Variants in APPBP2 observed in about 807,000 individuals in gnomAD.
APPBP2 encodes amyloid beta precursor protein binding protein 2, also known as amyloid protein-binding protein 2.
A neutral mutation model predicts 76.0 loss-of-function variants in APPBP2; 15 were observed. That is an observed-to-expected ratio of 0.20 (90% confidence interval 0.13 to 0.30). The LOEUF (loss-of-function observed/expected upper bound fraction) is 0.30. APPBP2 is among the 10% of genes least tolerant of loss of function. The probability of loss-of-function intolerance (pLI) is 1.00; values close to 1 mark genes in which losing one functional copy is unlikely to be tolerated. For synonymous variants in APPBP2, 222 were observed against 242.2 expected, an observed-to-expected ratio of 0.92 and a Z score of 0.77; for missense variants, 401 against 687.2, an observed-to-expected ratio of 0.58 and a Z score of 4.66.
At position 60,451,980 on chromosome 17, in the gene APPBP2, A is replaced by G; in HGVS notation, c.1404T>C (p.Tyr468=). 2 of 1,613,930 alleles carry G rather than the reference A, an allele frequency of 1.2e-6. No homozygotes were observed. Among genetic ancestry groups the G allele is most frequent in the Non-Finnish European group, 1.7e-6 (2 of 1,179,906 alleles). Residue 468 remains tyrosine, a synonymous_variant, in exon 12 of 13, where the codon TAT becomes TAC. Coordinates refer to ENST00000083182, the MANE Select transcript of APPBP2 (RefSeq NM_006380.5). ...IKEQLLGQED[Y]EVALSVGHLA... ...GATGTCCCACTGAAAGGGCTACTTC[A>G]TAATCTTCTTGACCAAGAAGTTGTT...
At chr17:60,452,242 A>G (rs550370704) in intron 11 of APPBP2, among the ~76,000 whole-genome samples, 197 bp from the exon 12 acceptor site, 1 of 152,362 alleles carries the variant, frequency 6.6e-6, no homozygotes, top group Admixed American at 6.5e-5. Flanking sequence ...AGATAAACTG[A>G]TGACAGCAAT....
chr17:60,469,090 G>A (rs2090532099), intron 4 of APPBP2, among the ~76,000 whole-genome samples: 1 of 152,034 alleles, frequency 6.6e-6, no homozygotes, highest in Non-Finnish European at 1.5e-5. Flanking sequence ...CACTTTGGGA[G>A]GCCGAGGTAG....
At chr17:60,482,508 A>G (rs558665207) in intron 3 of APPBP2, among the ~76,000 whole-genome samples, 25 of 152,290 alleles carry the variant, frequency 1.6e-4, no homozygotes, top group African/African-American at 6.0e-4. Flanking sequence ...TGCAGGTTAC[A>G]TGTGCCATGT....
chr17:60,458,934 G>A (rs749982308), intron 9 of APPBP2, among the ~76,000 whole-genome samples: 15 of 151,860 alleles, frequency 9.9e-5, no homozygotes, highest in Non-Finnish European at 2.1e-4. Context: ...CACCATGCCT[G>A]GCTAATTTTT....
chr17:60,473,244 C>T (rs1371843525), intron 4 of APPBP2, among the ~76,000 whole-genome samples: 2 of 152,160 alleles, frequency 1.3e-5, no homozygotes, highest in African/African-American at 2.4e-5. Flanking sequence ...AGTTCTATCA[C>T]ACTTTTCTAT....
intron 9 of APPBP2, among the ~76,000 whole-genome samples, chr17:60,457,486 A>G (rs9897522): frequency 0.2 from 29,652 of 151,900 alleles, 9,638 homozygotes; most frequent in African/African-American, 0.67. Context: ...GAGTACAGTG[A>G]TGCAATCATG....
intron 3 of APPBP2, among the ~76,000 whole-genome samples, chr17:60,493,194 C>T (rs2090744338): frequency 6.6e-6 from 1 of 152,192 alleles, no homozygotes; most frequent in African/African-American, 2.4e-5. Flanking sequence ...GTCCATTAAA[C>T]CTCTTTTTGC....
At chr17:60,511,029 G>C (rs184392940) in intron 1 of APPBP2, among the ~76,000 whole-genome samples, 3 of 152,136 alleles carry the variant, frequency 2.0e-5, no homozygotes, top group Non-Finnish European at 4.4e-5. Flanking sequence ...TCACTTTATA[G>C]GTCAATGGCA....
At chr17:60,502,169 T>G (rs1480993104) in intron 1 of APPBP2, among the ~76,000 whole-genome samples, 54 of 152,208 alleles carry the variant, frequency 3.5e-4, no homozygotes, top group Non-Finnish European at 7.3e-5. Flanking sequence ...TCAAGTGATC[T>G]TCCTGCCTCA....
chr17:60,494,674 A>T, intron 2 of APPBP2, 57 bp from the exon 3 acceptor site: 2 of 1,421,018 alleles, frequency 1.4e-6, no homozygotes, highest in South Asian at 2.8e-5. Flanking sequence ...TCCTTTTAGA[A>T]AGTGCTAACT....
At chr17:60,487,251 G>T (rs1412447617) in intron 3 of APPBP2, among the ~76,000 whole-genome samples, 3 of 152,284 alleles carry the variant, frequency 2.0e-5, no homozygotes, top group Admixed American at 6.5e-5. Context: ...TGCCTTGCTA[G>T]GTTGGGGAAG....
At chr17:60,462,906 G>A (rs1401088097) in intron 6 of APPBP2, among the ~76,000 whole-genome samples, 7 of 145,262 alleles carry the variant, frequency 4.8e-5, no homozygotes, top group African/African-American at 1.0e-4. Context: ...ACCCGAGATC[G>A]CGCCACTGCA....
chr17:60,478,139 A>G (rs890449474), intron 4 of APPBP2, among the ~76,000 whole-genome samples: 1 of 152,164 alleles, frequency 6.6e-6, no homozygotes, highest in African/African-American at 2.4e-5. Flanking sequence ...AAGACTGTAA[A>G]TTCAATAAAT....
intron 1 of APPBP2, among the ~76,000 whole-genome samples, chr17:60,509,753 T>C (rs941106456): frequency 6.6e-6 from 1 of 152,136 alleles, no homozygotes; most frequent in Non-Finnish European, 1.5e-5. Context: ...GAGCTGAGAT[T>C]GCACCATTGC....
At chr17:60,488,800 C>T (rs770869022) in intron 3 of APPBP2, among the ~76,000 whole-genome samples, 2 of 152,186 alleles carry the variant, frequency 1.3e-5, no homozygotes, top group Non-Finnish European at 2.9e-5. Flanking sequence ...TTCTCTCACA[C>T]ACACATTTTT....
At chr17:60,508,828 C>G (rs533660915) in intron 1 of APPBP2, among the ~76,000 whole-genome samples, 2 of 152,218 alleles carry the variant, frequency 1.3e-5, no homozygotes, top group South Asian at 2.1e-4. Flanking sequence ...AGTCCCCAGA[C>G]AGACAAATGC....
chr17:60,512,442 C>T (rs987313792), intron 1 of APPBP2, among the ~76,000 whole-genome samples: 14 of 151,914 alleles, frequency 9.2e-5, no homozygotes, highest in East Asian at 3.9e-4. Flanking sequence ...TAATTATAAA[C>T]GTGTAATCAG....
intron 3 of APPBP2, among the ~76,000 whole-genome samples, chr17:60,480,657 G>C (rs1379143991): frequency 6.6e-6 from 1 of 152,006 alleles, no homozygotes; most frequent in African/African-American, 2.4e-5. Context: ...TTCATACTAA[G>C]CAATATTCTA....
chr17:60,447,841 C>CA lies in APPBP2; in HGVS notation c.1505-8dup. The CA allele has an allele frequency of 2.8e-6, 4 of 1,404,482 alleles. No individual in the cohort carries two copies. Among genetic ancestry groups the CA allele is most frequent in the Admixed American group, 2.6e-5 (1 of 37,754 alleles). The allele number at this position is 1,404,482 out of a possible 1,614,324, so 87.0% of individuals were successfully genotyped here. ...TCACCAAAAAGTTTCTTCCCTGTAA[C>CA]AAAAAAGAAAAAGGAAAAAAAAAAA... On this transcript the variant is annotated splice_polypyrimidine_tract_variant and splice_region_variant and intron_variant, in intron 12 of 12. Transcript: ENST00000083182.
Sources: allele counts gnomAD v4.1 joint callset (sites outside exome capture counted in the v4.1 genomes callset), GRCh38; gene constraint gnomAD v4.1.1; transcripts MANE v1.5; gene names NCBI Gene and HGNC (gene_info 2026-07-23, HGNC 2026-07-21).